The following PCNX1 variants were observed in gnomAD, a reference collection of about 807,000 sequenced individuals.
PCNX1 encodes the protein pecanex-like protein 1.
Under a neutral mutation model 242.2 loss-of-function variants are expected in PCNX1, and 78 were observed. The ratio of observed to expected loss-of-function variants is 0.32; its 90% confidence interval spans 0.27 to 0.39. The LOEUF is 0.39. PCNX1 is among the 10% of genes least tolerant of loss of function. The probability of loss-of-function intolerance (pLI) is 1.00; values close to 1 mark genes in which losing one functional copy is unlikely to be tolerated. For synonymous variants in PCNX1, 1,024 were observed against 1,032.9 expected, an observed-to-expected ratio of 0.99 and a Z score of 0.17; for missense variants, 2,581 against 2,856.5, an observed-to-expected ratio of 0.90 and a Z score of 2.20.
intron 3 of PCNX1, among the ~76,000 whole-genome samples, chr14:70,964,933 TGAG>T (rs1358697035): frequency 6.6e-6 from 1 of 152,222 alleles, no homozygotes; most frequent in Non-Finnish European, 1.5e-5. Flanking sequence ...GAAGCTGAAG[TGAG>T]GAGGAAGAGT....
rs1595532331 is a variant in PCNX1 at position 71,112,559 on chromosome 14, AATT to A, written c.*2630_*2632del. On this transcript the variant is annotated 3_prime_UTR_variant, in exon 36 of 36. Transcript: ENST00000304743. The stretch of plus-strand genomic sequence containing the variant: ...CATTTCTTAAGAATAATTTGATCTA[AATT>A]ATTATATGGAAATAAACATACTTGT... The A allele has an allele frequency of 6.6e-6, 1 of 152,078 alleles. No homozygotes were observed. The highest frequency in any genetic ancestry group is 1.5e-5 in the Non-Finnish European group (1 of 67,954). 9.4% of individuals were successfully genotyped at this position (152,078 alleles called of 1,614,324 possible).
intron 24 of PCNX1, among the ~76,000 whole-genome samples, chr14:71,053,728 T>C (rs1053511360): frequency 6.6e-6 from 1 of 152,238 alleles, no homozygotes; most frequent in African/African-American, 2.4e-5. Context: ...TGTTTACTTA[T>C]TAACTAATTT....
chr14:70,978,268 A>T lies in PCNX1; in HGVS notation c.1931A>T (p.Lys644Met). 1 of 1,614,158 alleles carries T rather than the reference A, an allele frequency of 6.2e-7. No homozygotes were observed. The change falls in exon 6 of 36, where the codon AAG (lysine) becomes ATG (methionine). Residue 644 changes from lysine to methionine, a missense_variant. Lys to Met is a moderately conservative substitution (Grantham distance 95, BLOSUM62 -1). Coordinates refer to ENST00000304743, the MANE Select transcript of PCNX1 (RefSeq NM_014982.3). The stretch of plus-strand genomic sequence containing the variant: ...CCTGAGGGCAGATACAGTGCTCTAA[A>T]GACCAAACACACTCATAAAGAAAGG... ...QSPEGRYSALKTKHTHKERGT... is the reference protein window; with the variant it reads ...QSPEGRYSALMTKHTHKERGT...
chr14:71,082,656 A>G (rs1172577420), intron 28 of PCNX1, among the ~76,000 whole-genome samples: 1 of 151,864 alleles, frequency 6.6e-6, no homozygotes, highest in African/African-American at 2.4e-5. Context: ...TTTATCAGAG[A>G]CTAGGATTGC....
At chr14:71,091,460 C>T (rs565331679) in intron 30 of PCNX1, among the ~76,000 whole-genome samples, 1 of 152,314 alleles carries the variant, frequency 6.6e-6, no homozygotes, top group South Asian at 2.1e-4. Context: ...CAGGTTTGAA[C>T]TGCATAGCTA....
At chr14:71,011,462 A>G (rs2059819144) in intron 9 of PCNX1, 30 bp from the exon 10 acceptor site, 4 of 1,274,204 alleles carry the variant, frequency 3.1e-6, no homozygotes, top group Non-Finnish European at 4.6e-6. Flanking sequence ...CTGCTTGACA[A>G]ACTGTTCCCT....
intron 13 of PCNX1, among the ~76,000 whole-genome samples, chr14:71,024,821 T>G (rs2060196803): frequency 6.6e-6 from 1 of 152,148 alleles, no homozygotes; most frequent in Non-Finnish European, 1.5e-5. Context: ...CTTCCCCAAT[T>G]GTGACAACAG....
chr14:71,035,060 A>G (rs1330520091), intron 18 of PCNX1, among the ~76,000 whole-genome samples: 4 of 152,158 alleles, frequency 2.6e-5, no homozygotes, highest in Admixed American at 2.6e-4. Flanking sequence ...TATAAATGAC[A>G]CCGTGGTCAG....
chr14:71,109,430 A>G, intron 34 of PCNX1, 22 bp from the exon 35 acceptor site: 1 of 1,580,108 alleles, frequency 6.3e-7, no homozygotes, highest in Non-Finnish European at 8.6e-7. Context: ...ATGAATTGGA[A>G]ATGTTTTTAT....
chr14:70,947,007 CAG>C lies in PCNX1; in HGVS notation c.249_250del (p.Arg83SerfsTer3). The part of the protein sequence containing the change: ...VLKMVNYRLH[R>X]ALDAGEVVDR... ...TGAAGATGGTCAACTATCGACTACA[CAG>C]AGCACTTGATGCTGGAGAAGTTGTA... is the stretch of plus-strand genomic sequence containing the variant. On this transcript the variant is annotated frameshift_variant, in exon 2 of 36. Coordinates refer to ENST00000304743, the MANE Select transcript of PCNX1 (RefSeq NM_014982.3). LOFTEE classifies it high-confidence loss of function. 1 of 1,613,696 alleles carries C rather than the reference CAG, an allele frequency of 6.2e-7. No homozygotes were observed. Among genetic ancestry groups the C allele is most frequent in the Non-Finnish European group, 8.5e-7 (1 of 1,179,704 alleles).
chr14:71,026,358 A>T, intron 14 of PCNX1, 70 bp downstream of exon 14: 1 of 910,856 alleles, frequency 1.1e-6, no homozygotes, highest in Non-Finnish European at 1.6e-6. Flanking sequence ...ACTGATAAAT[A>T]TATCAATTAT....
chr14:71,070,430 C>T (rs1269362083), intron 26 of PCNX1, among the ~76,000 whole-genome samples: 1 of 152,224 alleles, frequency 6.6e-6, no homozygotes, highest in Non-Finnish European at 1.5e-5. Flanking sequence ...CCCTCTGTGG[C>T]AGCTATAGCC....
chr14:71,001,849 A>G (rs944415196), intron 8 of PCNX1, among the ~76,000 whole-genome samples: 1 of 152,242 alleles, frequency 6.6e-6, no homozygotes, highest in Non-Finnish European at 1.5e-5. Context: ...GAATGATGTT[A>G]TCTTTCACAT....
intron 24 of PCNX1, among the ~76,000 whole-genome samples, chr14:71,052,481 A>G (rs61990411): frequency 0.014 from 2,166 of 152,276 alleles, 24 homozygotes; most frequent in Middle Eastern, 0.034. Context: ...CCAAAGTGTT[A>G]GGATCACAGG....
At chr14:70,958,369 A>G (rs889429721) in intron 2 of PCNX1, among the ~76,000 whole-genome samples, 2 of 152,230 alleles carry the variant, frequency 1.3e-5, no homozygotes, top group African/African-American at 4.8e-5. Context: ...AAACTGCTAT[A>G]ATGTTAAATA....
intron 3 of PCNX1, among the ~76,000 whole-genome samples, chr14:70,967,354 T>A (rs1369493280): frequency 2.0e-5 from 3 of 152,236 alleles, no homozygotes; most frequent in African/African-American, 7.2e-5. Context: ...CAGTGCTAAC[T>A]TTGCTTGACT....
chr14:71,108,619 C>T lies in PCNX1; in HGVS notation c.6317C>T (p.Ser2106Phe). The T allele has an allele frequency of 6.2e-7, 1 of 1,611,314 alleles. No individual in the cohort carries two copies. Among genetic ancestry groups the T allele is most frequent in the South Asian group, 1.1e-5 (1 of 90,820 alleles). ...YPPTLGTSHS[S>F]HSVQSGLVRQ... Reference sequence around the variant, plus strand: ...CTCCTCCTAGGCACTAGCCACAGCTCTCACTCTGTGCAGTCGGGCCTGGTC... The same window carrying T: ...CTCCTCCTAGGCACTAGCCACAGCTTTCACTCTGTGCAGTCGGGCCTGGTC... Residue 2106 changes from serine (S) to phenylalanine (F), a missense_variant, in exon 34 of 36, where the codon TCT (serine) becomes TTT (phenylalanine). By Grantham distance (155) the Ser-to-Phe change is radical (BLOSUM62 -2). Transcript: ENST00000304743.
chr14:70,945,623 T>C (rs2526858), intron 1 of PCNX1, among the ~76,000 whole-genome samples: 106,824 of 151,682 alleles, frequency 0.7, 37,627 homozygotes, highest in South Asian at 0.77. Context: ...TCTAAACCTG[T>C]CTGGCCCATA....
At chr14:70,932,641 T>G (rs1293842050) in intron 1 of PCNX1, among the ~76,000 whole-genome samples, 1 of 152,118 alleles carries the variant, frequency 6.6e-6, no homozygotes, top group South Asian at 2.1e-4. Context: ...AGATGGAATT[T>G]CGCTCTTGTT....
Sources: allele counts gnomAD v4.1 joint callset (sites outside exome capture counted in the v4.1 genomes callset), GRCh38; gene constraint gnomAD v4.1.1; transcripts MANE v1.5; gene names NCBI Gene and HGNC (gene_info 2026-07-23, HGNC 2026-07-21).